Variants in SETX observed in about 807,000 individuals in gnomAD.
The protein encoded by SETX is helicase senataxin.
A neutral mutation model predicts 227.2 loss-of-function variants in SETX; 90 were observed. The ratio of observed to expected loss-of-function variants is 0.40; its 90% CI spans 0.33 to 0.47. The LOEUF (loss-of-function observed/expected upper bound fraction) is 0.47. Among genes scored for constraint, SETX ranks in the 20% least tolerant of loss-of-function variants. The pLI is 0.91. For synonymous variants in SETX, 1,210 were observed against 1,113.2 expected, an observed-to-expected ratio of 1.09 and a Z score of -1.73; for missense variants, 3,052 against 3,181.5, an observed-to-expected ratio of 0.96 and a Z score of 0.98.
At chr9:132,306,558 G>T (rs185381807) in intron 11 of SETX, among the ~76,000 whole-genome samples, 3 of 151,998 alleles carry the variant, frequency 2.0e-5, no homozygotes, top group Admixed American at 6.6e-5. Context: ...TTCTCTGTGG[G>T]TTATACATAT....
chr9:132,307,774 G>A (rs1845417811), intron 11 of SETX, among the ~76,000 whole-genome samples: 1 of 151,794 alleles, frequency 6.6e-6, no homozygotes, highest in Non-Finnish European at 1.5e-5. Flanking sequence ...CGCCTCCAGG[G>A]TTCAAGCGAT....
intron 19 of SETX, 133 bp downstream of exon 19, chr9:132,283,131 C>T (rs1435658887): frequency 7.2e-6 from 8 of 1,108,698 alleles, no homozygotes; most frequent in Middle Eastern, 2.1e-4. Context: ...TAAGGGAATA[C>T]ACAGGTAATA....
chr9:132,305,378 C>T (rs1341021138), intron 11 of SETX, among the ~76,000 whole-genome samples: 2 of 143,728 alleles, frequency 1.4e-5, no homozygotes, highest in Admixed American at 1.4e-4. Flanking sequence ...AAAACTATTT[C>T]GAACAAAAAC....
chr9:132,340,100 G>A (rs182252966), intron 5 of SETX, among the ~76,000 whole-genome samples: 98 of 151,736 alleles, frequency 6.5e-4, no homozygotes, highest in African/African-American at 2.1e-3. Flanking sequence ...TCATTCTCTT[G>A]GCTGTACCCA....
At chr9:132,323,821 A>G (rs529583) in intron 10 of SETX, among the ~76,000 whole-genome samples, 136,070 of 151,980 alleles carry the variant, frequency 0.9, 61,019 homozygotes, top group Non-Finnish European at 0.92. Flanking sequence ...AAGGACTACC[A>G]GAGGCCAAGA....
At chr9:132,331,671 G>GC (rs1847243478) in intron 7 of SETX, among the ~76,000 whole-genome samples, 1 of 140,426 alleles carries the variant, frequency 7.1e-6, no homozygotes, top group African/African-American at 2.8e-5. Flanking sequence ...TGATACGTCT[G>GC]TAAAAAAAAA....
intron 7 of SETX, among the ~76,000 whole-genome samples, chr9:132,332,507 C>A (rs1847302745): frequency 6.6e-6 from 1 of 152,182 alleles, no homozygotes; most frequent in South Asian, 2.1e-4. Flanking sequence ...TTTGAACTTT[C>A]TTATATATGT....
intron 15 of SETX, among the ~76,000 whole-genome samples, chr9:132,291,220 GC>G (rs1449581954): frequency 2.3e-5 from 3 of 130,538 alleles, no homozygotes; most frequent in Non-Finnish European, 4.6e-5. Flanking sequence ...AGGCTGGAGT[GC>G]AATGGCGCAA....
chr9:132,331,310 C>T lies in SETX; in HGVS notation c.977G>A (p.Arg326Lys). The T allele has an allele frequency of 6.2e-7, 1 of 1,614,122 alleles. No homozygotes were observed. Among genetic ancestry groups the T allele is most frequent in the Non-Finnish European group, 8.5e-7 (1 of 1,180,014 alleles). ...QTIINNASYN[R>K]EIRHIRNSSV... ...GCTGTTCCGTATATGTCGGATCTCT[C>T]TATTGTAGCTTGCGTTGTTGATAAT... Residue 326 changes from arginine (R) to lysine (K), a missense_variant, in exon 8 of 26, where the codon AGA (arginine) becomes AAA (lysine). This residue lies in a region of SETX where 239 missense variants were observed against 240.8 expected (regional missense o/e 0.99). Coordinates refer to ENST00000224140, the MANE Select transcript of SETX (RefSeq NM_015046.7).
chr9:132,349,092 T>TC (rs1340051106), intron 3 of SETX, among the ~76,000 whole-genome samples, 160 bp downstream of exon 3: 1 of 151,264 alleles, frequency 6.6e-6, no homozygotes, highest in Non-Finnish European at 1.5e-5. Flanking sequence ...AGAGTGAGAC[T>TC]CCATCTCTAA....
In SETX at chr9:132,282,581, T is replaced by TGCG. The variant is rs1843606307; in HGVS notation, c.6546+682_6546+683insCGC. 2.0e-5 allele frequency among the ~76,000 whole-genome samples: 3 copies of TGCG among 152,256 alleles called. 1 individual carries two copies. The East Asian group carries it at 5.8e-4, about 29-fold the overall frequency. ...CCAGGATTACAGGTGTGCACCACCA[T>TGCG]GCCCAGGCCCTTTTCAAAACTTTGT... On this transcript the variant is annotated intron_variant, in intron 19 of 25. Coordinates refer to ENST00000224140, the MANE Select transcript of SETX (RefSeq NM_015046.7).
At chr9:132,347,485 G>GT (rs1380184034) in intron 3 of SETX, among the ~76,000 whole-genome samples, 1 of 151,494 alleles carries the variant, frequency 6.6e-6, no homozygotes, top group Non-Finnish European at 1.5e-5. Context: ...GCTAATTTTT[G>GT]TATTTTAGTA....
In SETX at chr9:132,288,604, T is replaced by C. The variant is rs1844079294; in HGVS notation, c.6154A>G (p.Ile2052Val). The C allele has an allele frequency of 6.2e-7, 1 of 1,613,898 alleles. No individual in the cohort carries two copies. Among genetic ancestry groups the C allele is most frequent in the Non-Finnish European group, 8.5e-7 (1 of 1,179,876 alleles). Residue 2052 changes from isoleucine (I) to valine (V), a missense_variant, in exon 16 of 26, where the codon ATT becomes GTT. Around this residue, in one of 10 missense-constraint regions of SETX, gnomAD observed 412 missense variants for 589.0 expected, o/e 0.70. Transcript: ENST00000224140. ...CTGAACTTTAGAACCTCACTATTAA[T>C]AGACTTTTCTGGACCCAGTCGTACT... ...NLVRLGPEKS[I>V]NSEVLKFSLD...
At chr9:132,283,227 G>T (rs781114025) in intron 19 of SETX, 37 bp downstream of exon 19, 1 of 1,612,796 alleles carries the variant, frequency 6.2e-7, no homozygotes, top group Non-Finnish European at 8.5e-7. Flanking sequence ...ACTCCTCATA[G>T]TAGTAGTCAA....
rs112909229 is a variant in SETX, at chr9:132,304,958, G to A, written c.5375-4155C>T. Among the ~76,000 whole-genome samples the A allele has an allele frequency of 2.8e-3, 427 of 151,874 alleles. 4 individuals carry two copies. Among genetic ancestry groups the A allele is most frequent in the African/African-American group, 0.01 (418 of 41,402 alleles). ...TGCAGTGAGCTGAGATCACACCACT[G>A]CACTTCAGCCTGGGTAACAGAGTGA... On this transcript the variant is annotated intron_variant, in intron 11 of 25. Transcript: ENST00000224140.
In SETX at chr9:132,261,933, C is replaced by G. The variant is rs1258857689; in HGVS notation, c.*2306G>C. The G allele has an allele frequency of 3.2e-5, 5 of 154,404 alleles. No homozygotes were observed. The highest frequency in any genetic ancestry group is 2.0e-4 in the Admixed American group (3 of 15,294). The allele number at this position is 154,404 out of a possible 1,614,324, so 9.6% of individuals were successfully genotyped here. A position where few individuals can be genotyped will look rare whatever the true frequency, so the allele number is the denominator to read the frequency against. On this transcript the variant is annotated 3_prime_UTR_variant, in exon 26 of 26. Coordinates refer to ENST00000224140, the MANE Select transcript of SETX (RefSeq NM_015046.7). ...TTGTAAAAAGAATAGCCCTGTTCAA[C>G]AACGCTGCGCTGACAGCCACATCAG...
rs570456500 is a variant in SETX, at chr9:132,261,855, A to T, written c.*2384T>A. 41 of 154,708 alleles carry T rather than the reference A, an allele frequency of 2.7e-4. No homozygotes were observed. Among genetic ancestry groups the T allele is most frequent in the Middle Eastern group, 2.1e-3 (4 of 1,926 alleles). 9.6% of individuals were successfully genotyped at this position (154,708 alleles called of 1,614,324 possible). ...TAACTAATATTGAAAGAAGACAGGG[A>T]ACTTTCTTTTAATGCCATGGCAAAG... On this transcript the variant is annotated 3_prime_UTR_variant, in exon 26 of 26. Coordinates refer to ENST00000224140, the MANE Select transcript of SETX (RefSeq NM_015046.7).
Position 132,329,770 on chromosome 9 carries a change from A to G in SETX, c.1828T>C (p.Ser610Pro), listed in dbSNP as rs1469688387. The change falls in exon 10 of 26, where the codon TCT becomes CCT. Residue 610 changes from serine (S) to proline (P), a missense_variant. Physicochemically the swap from Ser to Pro is moderately conservative, Grantham distance 74 (BLOSUM62 -1). This residue lies in a region of SETX where 1,483 missense variants were observed against 1,312.0 expected (regional missense o/e 1.13). Coordinates refer to ENST00000224140, the MANE Select transcript of SETX (RefSeq NM_015046.7). ...GATGCAGGAGAGATTTTACATGCAG[A>G]AGTCAGATCCACAAAAGTGTTACAT... ...PPCNTFVDLT[S>P]ACKISPASYN... The G allele has an allele frequency of 2.5e-6, 4 of 1,614,098 alleles. No individual in the cohort carries two copies. The highest frequency in any genetic ancestry group is 1.7e-5 in the Admixed American group (1 of 60,012).
chr9:132,277,369 C>T (rs1033209479), intron 21 of SETX, among the ~76,000 whole-genome samples: 4 of 152,042 alleles, frequency 2.6e-5, no homozygotes, highest in African/African-American at 9.7e-5. Context: ...TAAAATATAA[C>T]AAGTATGATT....
Sources: allele counts gnomAD v4.1 joint callset (sites outside exome capture counted in the v4.1 genomes callset), GRCh38; gene constraint gnomAD v4.1.1; regional missense constraint gnomAD v4.1.1; transcripts MANE v1.5; gene names NCBI Gene and HGNC (gene_info 2026-07-23, HGNC 2026-07-21).